Variants in SLC35F4 observed in about 807,000 individuals in gnomAD.
SLC35F4 encodes solute carrier family 35 member F4, also known as chromosome 14 open reading frame 36.
A neutral mutation model predicts 44.2 loss-of-function variants in SLC35F4; 24 were observed. The ratio of observed to expected loss-of-function variants is 0.54; its 90% CI spans 0.39 to 0.76. The LOEUF is 0.76. Among genes scored for constraint, SLC35F4 ranks in the 30% least tolerant of loss-of-function variants. The pLI is 0.00. For synonymous variants in SLC35F4, 238 were observed against 223.6 expected (o/e 1.06, Z -0.57); for missense variants, 562 against 586.1 (o/e 0.96, Z 0.42).
chr14:57,657,506 C>A (rs10483688), intron 1 of SLC35F4, among the ~76,000 whole-genome samples: 1 of 152,084 alleles, frequency 6.6e-6, no homozygotes, highest in Admixed American at 6.6e-5. Flanking sequence ...TCACAGTAAA[C>A]GTTGCTAGAA....
At chr14:57,894,382 A>G (rs1888831294) in intron 1 of SLC35F4, among the ~76,000 whole-genome samples, 1 of 152,076 alleles carries the variant, frequency 6.6e-6, no homozygotes, top group South Asian at 2.1e-4. Context: ...ATGAAAACTC[A>G]AGTGCCCAGC....
chr14:57,977,936 C>A (rs576521191), intron 1 of SLC35F4, among the ~76,000 whole-genome samples: 3 of 152,262 alleles, frequency 2.0e-5, no homozygotes, highest in South Asian at 4.1e-4. Context: ...TATACCTGTA[C>A]TTTTGGCCAG....
chr14:57,719,648 TG>T (rs2076033978), intron 1 of SLC35F4, among the ~76,000 whole-genome samples: 2 of 152,166 alleles, frequency 1.3e-5, no homozygotes, highest in African/African-American at 4.8e-5. Context: ...TACTGATTTT[TG>T]TATGTTAACT....
chr14:57,908,263 G>A (rs951554262), intron 1 of SLC35F4, among the ~76,000 whole-genome samples: 2 of 152,182 alleles, frequency 1.3e-5, no homozygotes, highest in African/African-American at 4.8e-5. Flanking sequence ...ATGTGTGCAT[G>A]TGTCTTTAGA....
At chr14:57,683,189 G>A (rs2140309671) in intron 1 of SLC35F4, among the ~76,000 whole-genome samples, 1 of 152,276 alleles carries the variant, frequency 6.6e-6, no homozygotes, top group Non-Finnish European at 1.5e-5. Flanking sequence ...TTTATCCCCA[G>A]AAGTAAAACA....
intron 1 of SLC35F4, among the ~76,000 whole-genome samples, chr14:57,728,343 T>G (rs1009819728): frequency 6.6e-6 from 1 of 151,922 alleles, no homozygotes; most frequent in African/African-American, 2.4e-5. Flanking sequence ...ATTCAGCCAC[T>G]CTATGTCTTT....
At chr14:57,831,125 A>G (rs1410280997) in intron 1 of SLC35F4, among the ~76,000 whole-genome samples, 3 of 152,186 alleles carry the variant, frequency 2.0e-5, no homozygotes, top group Admixed American at 1.3e-4. Flanking sequence ...CCAATCACTC[A>G]GGCCAGCAGA....
In SLC35F4 at chr14:57,662,230, T is replaced by C. The variant is rs953110962; in HGVS notation, c.104-68106A>G. On this transcript the variant is annotated intron_variant, in intron 1 of 7. Transcript: ENST00000556826. ...TTTAGAGAAGTTATACATTACTAAT[T>C]ATTATGGAATGTATTTCCTAGTGCC... 2.0e-5 allele frequency among the ~76,000 whole-genome samples: 3 copies of C among 152,268 alleles called. No homozygotes were observed. In the East Asian group the frequency reaches 5.8e-4, roughly 29 times the overall value.
rs145925977 is a variant in SLC35F4, at chr14:57,652,711, G to A, written c.104-58587C>T. On this transcript the variant is annotated intron_variant, in intron 1 of 7. Coordinates refer to ENST00000556826, the MANE Select transcript of SLC35F4 (RefSeq NM_001306087.2). ...GTAACCCCCACACAAAGATCTAACAGGATAGTAACCCCCACACAAAGAACT... is the reference window on the plus strand; with the variant it reads ...GTAACCCCCACACAAAGATCTAACAAGATAGTAACCCCCACACAAAGAACT... Among the ~76,000 whole-genome samples, 402 of 151,038 alleles carry A rather than the reference G, an allele frequency of 2.7e-3. 2 individuals are homozygous for A. Among genetic ancestry groups the A allele is most frequent in the African/African-American group, 9.4e-3 (386 of 40,862 alleles).
Position 57,602,102 on chromosome 14 carries a change from A to G in SLC35F4, c.104-7978T>C, listed in dbSNP as rs998730049. On this transcript the variant is annotated intron_variant, in intron 1 of 7. Transcript: ENST00000556826. ...TAAATACATTAAGGTGAGCAATTCAATAGCACAGAAAATAAGGATAATTAT... is the reference window on the plus strand; with the variant it reads ...TAAATACATTAAGGTGAGCAATTCAGTAGCACAGAAAATAAGGATAATTAT... 5.3e-5 allele frequency among the ~76,000 whole-genome samples: 8 copies of G among 152,310 alleles called. No homozygotes were observed. The East Asian group carries it at 1.5e-3, about 29-fold the overall frequency.
chr14:57,934,938 A>G (rs956699008), intron 1 of SLC35F4, among the ~76,000 whole-genome samples: 1 of 152,202 alleles, frequency 6.6e-6, no homozygotes, highest in Non-Finnish European at 1.5e-5. Context: ...TGCAGCCACA[A>G]ATGAGCTTTG....
chr14:57,568,483 T>A (rs2068315435), intron 6 of SLC35F4, among the ~76,000 whole-genome samples: 2 of 152,180 alleles, frequency 1.3e-5, no homozygotes, highest in African/African-American at 4.8e-5. Context: ...TACAGAAATA[T>A]CACTATTGAT....
At chr14:57,958,268 T>C (rs1477729026) in intron 1 of SLC35F4, among the ~76,000 whole-genome samples, 4 of 152,002 alleles carry the variant, frequency 2.6e-5, no homozygotes, top group Admixed American at 1.3e-4. Flanking sequence ...CCATGTTAGC[T>C]GGGATGGTCT....
intron 1 of SLC35F4, among the ~76,000 whole-genome samples, chr14:57,949,344 C>G (rs1175803278): frequency 6.6e-6 from 1 of 152,146 alleles, no homozygotes; most frequent in Non-Finnish European, 1.5e-5. Context: ...ATAAGAATAG[C>G]TAATCCTGCT....
At chr14:57,572,981 T>G (rs1447314101) in intron 4 of SLC35F4, among the ~76,000 whole-genome samples, 2 of 152,260 alleles carry the variant, frequency 1.3e-5, no homozygotes, top group African/African-American at 4.8e-5. Context: ...AATTTAAACC[T>G]ACATGGTGAT....
rs2077795160 is a variant in SLC35F4 at position 57,787,448 on chromosome 14, C to T, written c.103+78275G>A. On this transcript the variant is annotated intron_variant, in intron 1 of 7. Coordinates refer to ENST00000556826, the MANE Select transcript of SLC35F4 (RefSeq NM_001306087.2). ...ATTCATCGTAAAAAGATTGCCTGAT[C>T]ACAATGTCATCAGGTTATTCAAAGT... Among the ~76,000 whole-genome samples the T allele has an allele frequency of 2.0e-5, 3 of 152,052 alleles. No homozygotes were observed. In the South Asian group the frequency reaches 6.2e-4, roughly 32 times the overall value.
At chr14:57,713,022 T>TA (rs145171597) in intron 1 of SLC35F4, among the ~76,000 whole-genome samples, 7,087 of 152,114 alleles carry the variant, frequency 0.047, 214 homozygotes, top group South Asian at 0.087. Flanking sequence ...GTCAGAAACT[T>TA]AAAAAAAATC....
At chr14:57,600,670 C>T (rs1363654807) in intron 1 of SLC35F4, among the ~76,000 whole-genome samples, 2 of 87,480 alleles carry the variant, frequency 2.3e-5, no homozygotes, top group Non-Finnish European at 2.0e-5. Flanking sequence ...CCAGCCTGGG[C>T]GACAGAGCAA....
chr14:57,772,225 G>A (rs1246778096), intron 1 of SLC35F4, among the ~76,000 whole-genome samples: 2 of 152,100 alleles, frequency 1.3e-5, no homozygotes, highest in Non-Finnish European at 2.9e-5. Flanking sequence ...TTTCTCCTCT[G>A]GATTATGGAA....
Sources: allele counts gnomAD v4.1 joint callset (sites outside exome capture counted in the v4.1 genomes callset), GRCh38; gene constraint gnomAD v4.1.1; transcripts MANE v1.5; gene names NCBI Gene and HGNC (gene_info 2026-07-23, HGNC 2026-07-21).